Variants in DLGAP2 observed in about 807,000 individuals in gnomAD.
The protein encoded by DLGAP2 is DLG associated protein 2.
Under a neutral mutation model 100.3 loss-of-function variants are expected in DLGAP2, and 26 were observed. The observed-to-expected ratio is 0.26, with a 90% CI of 0.19 to 0.36. The LOEUF is 0.36. DLGAP2 is among the 10% of genes least tolerant of loss of function. The probability of loss-of-function intolerance (pLI) is 1.00; values close to 1 mark genes in which losing one functional copy is unlikely to be tolerated. For synonymous variants in DLGAP2, 886 were observed against 630.1 expected (o/e 1.41, Z -6.08); for missense variants, 1,858 against 1,453.2 (o/e 1.28, Z -4.53).
At chr8:1,065,897 G>A (rs1005485275) in intron 2 of DLGAP2, among the ~76,000 whole-genome samples, 11 of 152,294 alleles carry the variant, frequency 7.2e-5, no homozygotes, top group South Asian at 2.1e-4. Context: ...ATTCTCCCGC[G>A]TGGTCTGTGG....
chr8:1,209,896 C>T (rs1798068348), intron 2 of DLGAP2, among the ~76,000 whole-genome samples: 2 of 152,176 alleles, frequency 1.3e-5, no homozygotes, highest in African/African-American at 4.8e-5. Flanking sequence ...AATCCCACCT[C>T]CCTCCCTGAG....
At chr8:1,391,597 C>G (rs766650150) in intron 3 of DLGAP2, among the ~76,000 whole-genome samples, 1 of 152,134 alleles carries the variant, frequency 6.6e-6, no homozygotes, top group African/African-American at 2.4e-5. Context: ...CAGAGCTGGC[C>G]CCATGCAGAG....
At chr8:1,423,782 C>A (rs1301824414) in intron 3 of DLGAP2, among the ~76,000 whole-genome samples, 2 of 152,164 alleles carry the variant, frequency 1.3e-5, no homozygotes, top group Non-Finnish European at 2.9e-5. Context: ...AGCAACGGGC[C>A]CATGCACTTG....
chr8:1,218,884 A>G (rs946098209), intron 2 of DLGAP2, among the ~76,000 whole-genome samples: 1 of 151,954 alleles, frequency 6.6e-6, no homozygotes, highest in African/African-American at 2.4e-5. Context: ...TCATTTTGTG[A>G]CTATTGTGAA....
intron 1 of DLGAP2, among the ~76,000 whole-genome samples, chr8:882,232 CATCAGAG>C (rs1374446752): frequency 1.5e-5 from 2 of 134,044 alleles, no homozygotes; most frequent in Non-Finnish European, 3.4e-5. Context: ...GTTAGCACAT[CATCAGAG>C]ATCTGCGGAG....
intron 1 of DLGAP2, among the ~76,000 whole-genome samples, chr8:751,761 A>G (rs939087438): frequency 2.0e-5 from 3 of 152,068 alleles, no homozygotes; most frequent in Non-Finnish European, 4.4e-5. Context: ...GACACTTTAT[A>G]GTAAGTCCTT....
intron 6 of DLGAP2, among the ~76,000 whole-genome samples, chr8:1,575,881 G>C (rs1348676929): frequency 3.3e-5 from 5 of 151,840 alleles, no homozygotes; most frequent in Admixed American, 6.6e-5. Context: ...TGGACATTTG[G>C]GTTGGTTCCA....
At chr8:1,364,012 G>A (rs751889586) in intron 3 of DLGAP2, among the ~76,000 whole-genome samples, 19 of 152,160 alleles carry the variant, frequency 1.2e-4, no homozygotes, top group Non-Finnish European at 1.8e-4. Context: ...TGCACCAGGT[G>A]GTACCCCTCA....
At chr8:1,680,563 G>A (rs968723276) in intron 12 of DLGAP2, 3 of 152,220 alleles carry the variant, frequency 2.0e-5, no homozygotes, top group Non-Finnish European at 4.4e-5. Context: ...GACGATGGAC[G>A]CCGAATGTTG....
rs935242612 is a variant in DLGAP2, at chr8:1,454,621, C to T, written c.107-46745C>T. Among the ~76,000 whole-genome samples, 20 of 152,260 alleles carry T rather than the reference C, an allele frequency of 1.3e-4. No individual in the cohort carries two copies. In the East Asian group the frequency reaches 2.7e-3, roughly 21 times the overall value. On this transcript the variant is annotated intron_variant, in intron 3 of 14. Transcript: ENST00000637795. ...CTCCATTAAGATCCCTTTACATTTCCGAGCTCCATTCCAGGGGCTGGATAT... is the reference window on the plus strand; with the variant it reads ...CTCCATTAAGATCCCTTTACATTTCTGAGCTCCATTCCAGGGGCTGGATAT...
At chr8:1,416,823 C>T (rs997248608) in intron 3 of DLGAP2, among the ~76,000 whole-genome samples, 12 of 152,202 alleles carry the variant, frequency 7.9e-5, no homozygotes, top group Admixed American at 2.6e-4. Flanking sequence ...CCTTTTCTGT[C>T]TCTCCTCAGA....
At chr8:895,382 A>G (rs1399493118) in intron 1 of DLGAP2, among the ~76,000 whole-genome samples, 3 of 152,168 alleles carry the variant, frequency 2.0e-5, no homozygotes, top group African/African-American at 7.2e-5. Flanking sequence ...TATCTGCAGC[A>G]TCCCCCGTGC....
intron 1 of DLGAP2, among the ~76,000 whole-genome samples, chr8:785,200 C>T (rs184364015): frequency 5.8e-3 from 641 of 110,744 alleles, no homozygotes; most frequent in Admixed American, 8.4e-3. Flanking sequence ...CTGGCCTGGG[C>T]GACAGAGCGA....
chr8:1,037,208 C>T (rs1052253472), intron 2 of DLGAP2, among the ~76,000 whole-genome samples: 4 of 152,172 alleles, frequency 2.6e-5, no homozygotes, highest in African/African-American at 7.2e-5. Flanking sequence ...CCCTGCCGTC[C>T]TGTCCTCCCG....
At chr8:1,063,568 C>T (rs1803154747) in intron 2 of DLGAP2, among the ~76,000 whole-genome samples, 1 of 146,034 alleles carries the variant, frequency 6.8e-6, no homozygotes, top group African/African-American at 2.5e-5. Flanking sequence ...CAAAAATATG[C>T]ACCTCTTTAA....
intron 3 of DLGAP2, among the ~76,000 whole-genome samples, chr8:1,389,721 T>G (rs1291185985): frequency 6.6e-6 from 1 of 151,958 alleles, no homozygotes; most frequent in Non-Finnish European, 1.5e-5. Flanking sequence ...AGGACAGCTG[T>G]TTTCCAGACT....
intron 3 of DLGAP2, among the ~76,000 whole-genome samples, chr8:1,461,871 G>A (rs1249090011): frequency 2.0e-4 from 2 of 9,902 alleles, no homozygotes; most frequent in Non-Finnish European, 3.5e-4. Flanking sequence ...CGCTGATTCG[G>A]TGACCAGGAG....
chr8:1,446,394 A>G (rs1237998057), intron 3 of DLGAP2, among the ~76,000 whole-genome samples: 1 of 152,134 alleles, frequency 6.6e-6, no homozygotes, highest in Non-Finnish European at 1.5e-5. Flanking sequence ...CAAAGATCAG[A>G]TGGTTGTAGA....
Position 1,308,574 on chromosome 8 carries a change from G to A in DLGAP2, c.106+49691G>A, listed in dbSNP as rs538682227. On this transcript the variant is annotated intron_variant, in intron 3 of 14. Transcript: ENST00000637795. ...TAGTTTCACTCTTGTTGCCCAGGCT[G>A]GAGTGCAGTGGTGTGATCTCAGCTC... Among the ~76,000 whole-genome samples, 113 of 152,324 alleles carry A rather than the reference G, an allele frequency of 7.4e-4. 1 individual carries two copies. The highest frequency in any genetic ancestry group is 2.6e-3 in the African/African-American group (107 of 41,578).
Sources: allele counts gnomAD v4.1 joint callset (sites outside exome capture counted in the v4.1 genomes callset), GRCh38; gene constraint gnomAD v4.1.1; transcripts MANE v1.5; gene names NCBI Gene and HGNC (gene_info 2026-07-23, HGNC 2026-07-21).